SEPTIN9: variants seen among roughly 807,000 people sequenced by gnomAD.
The protein encoded by SEPTIN9 is septin-9.
Under a neutral mutation model 56.6 loss-of-function variants are expected in SEPTIN9, and 13 were observed. The observed-to-expected ratio is 0.23, with a 90% CI of 0.15 to 0.37. The LOEUF is 0.37. Among genes scored for constraint, SEPTIN9 ranks in the 10% least tolerant of loss-of-function variants. SEPTIN9 has a pLI of 1.00. For missense variants in SEPTIN9, 650 were observed against 823.1 expected, an observed-to-expected ratio of 0.79 and a Z score of 2.57; for synonymous variants, 332 against 334.1, an observed-to-expected ratio of 0.99 and a Z score of 0.07.
At chr17:77,365,040 T>C (rs1042982954) in intron 2 of SEPTIN9, among the ~76,000 whole-genome samples, 3 of 152,232 alleles carry the variant, frequency 2.0e-5, no homozygotes, top group Non-Finnish European at 4.4e-5. Context: ...GAAGAGACGA[T>C]GTCCCCAGCC....
chr17:77,393,084 A>G (rs1172209890), intron 2 of SEPTIN9, among the ~76,000 whole-genome samples: 2 of 152,122 alleles, frequency 1.3e-5, no homozygotes, highest in Non-Finnish European at 2.9e-5. Flanking sequence ...TCCCTCCAGA[A>G]GCAGGTCCTG....
chr17:77,339,632 C>G (rs1568001816), intron 2 of SEPTIN9, among the ~76,000 whole-genome samples: 1 of 151,866 alleles, frequency 6.6e-6, no homozygotes, highest in Non-Finnish European at 1.5e-5. Context: ...GCCTCAGCCT[C>G]CTGAGTAGTT....
At chr17:77,443,068 ACC>A (rs1236937600) in intron 3 of SEPTIN9, among the ~76,000 whole-genome samples, 6 of 152,028 alleles carry the variant, frequency 3.9e-5, no homozygotes, top group African/African-American at 1.2e-4. Flanking sequence ...GGGCCTGTAT[ACC>A]ATCTTAATAG....
At position 77,323,069 on chromosome 17, in the gene SEPTIN9, C is replaced by G. The variant is rs1317091048; in HGVS notation, c.76+15872C>G. 6.6e-6 allele frequency: 1 copy of G among 152,328 alleles called. No homozygotes were observed. Among genetic ancestry groups the G allele is most frequent in the African/African-American group, 2.4e-5 (1 of 41,460 alleles). The allele number at this position is 152,328 out of a possible 1,614,324, so 9.4% of individuals were successfully genotyped here. ...CCTACCCTGGTGAGTCCACGGTGGTCTGCCAGCCCCAGGGAAGGCTTAGGA... is the reference window on the plus strand; with the variant it reads ...CCTACCCTGGTGAGTCCACGGTGGTGTGCCAGCCCCAGGGAAGGCTTAGGA... On this transcript the variant is annotated intron_variant, in intron 2 of 11. Coordinates refer to ENST00000427177, the MANE Select transcript of SEPTIN9 (RefSeq NM_001113491.2). This position sits in a 1 kb window ranked among gnomAD's most constrained non-coding sequence, Gnocchi z 6.8.
intron 3 of SEPTIN9, chr17:77,444,615 G>T: frequency 6.2e-6 from 1 of 160,478 alleles, no homozygotes; most frequent in South Asian, 1.6e-4. Flanking sequence ...GACTAAGTCA[G>T]GGGGCGAGGG....
intron 1 of SEPTIN9, among the ~76,000 whole-genome samples, chr17:77,306,758 C>T (rs1338958907): frequency 3.3e-5 from 5 of 152,230 alleles, no homozygotes; most frequent in African/African-American, 9.6e-5. Context: ...AGCAGAGACA[C>T]GCTTGGGTGC....
intron 3 of SEPTIN9, among the ~76,000 whole-genome samples, chr17:77,460,226 T>C (rs2038405147): frequency 6.6e-6 from 1 of 152,254 alleles, no homozygotes; most frequent in South Asian, 2.1e-4. Context: ...CTGTTCCTTG[T>C]TGAGAGAGCG....
At chr17:77,292,093 C>A (rs897729188) in intron 1 of SEPTIN9, among the ~76,000 whole-genome samples, 1 of 152,200 alleles carries the variant, frequency 6.6e-6, no homozygotes, top group African/African-American at 2.4e-5. Flanking sequence ...CCATCTCTTC[C>A]TCGGCCCCTC....
chr17:77,414,795 C>T (rs1366925771), intron 3 of SEPTIN9, among the ~76,000 whole-genome samples: 1 of 152,100 alleles, frequency 6.6e-6, no homozygotes, highest in Non-Finnish European at 1.5e-5. Context: ...CCAGGCTGGT[C>T]TTGAACTCCT....
Position 77,421,943 on chromosome 17 carries a change from A to G in SEPTIN9, c.721+19240A>G, listed in dbSNP as rs78789071. On this transcript the variant is annotated intron_variant, in intron 3 of 11. Coordinates refer to ENST00000427177, the MANE Select transcript of SEPTIN9 (RefSeq NM_001113491.2). This position sits in a 1 kb window ranked among gnomAD's most constrained non-coding sequence, Gnocchi z 4.6. ...CCGCTCACTGTGATCTCGACCTCCTAGGCTCAGCAGTCCTCCCATCTCAGC... is the reference window on the plus strand; with the variant it reads ...CCGCTCACTGTGATCTCGACCTCCTGGGCTCAGCAGTCCTCCCATCTCAGC... Among the ~76,000 whole-genome samples, 447 of 152,190 alleles carry G rather than the reference A, an allele frequency of 2.9e-3. 1 individual carries two copies. The highest frequency in any genetic ancestry group is 9.9e-3 in the African/African-American group (412 of 41,526).
intron 3 of SEPTIN9, chr17:77,466,347 C>T (rs2038727531): frequency 1.0e-6 from 1 of 978,844 alleles, no homozygotes; most frequent in African/African-American, 1.8e-5. Flanking sequence ...CCCCTTCCCC[C>T]TCCCAGCCTT....
intron 3 of SEPTIN9, among the ~76,000 whole-genome samples, chr17:77,438,553 A>G (rs942559642): frequency 3.3e-5 from 5 of 152,170 alleles, no homozygotes; most frequent in Non-Finnish European, 1.5e-5. Flanking sequence ...AGAGTTTTTA[A>G]AAGCGCAATA....
rs2039829197 is a variant in SEPTIN9 at position 77,487,173 on chromosome 17, C to T, written c.914-251C>T. Among the ~76,000 whole-genome samples the T allele has an allele frequency of 6.6e-6, 1 of 152,248 alleles. No individual in the cohort carries two copies. The highest frequency in any genetic ancestry group is 2.4e-5 in the African/African-American group (1 of 41,466). ...CGACTCTCCCAGGCCCGGCTCACCT[C>T]TCAGGAGAGGACTGTGGCCTGGGTT... On this transcript the variant is annotated intron_variant, in intron 4 of 11. Transcript: ENST00000427177. The surrounding 1 kb of genome is among the most constrained non-coding windows in gnomAD (Gnocchi z 4.3).
chr17:77,310,570 G>A lies in SEPTIN9; in HGVS notation c.76+3373G>A, dbSNP rs1429821518. On this transcript the variant is annotated intron_variant, in intron 2 of 11. Transcript: ENST00000427177. This position sits in a 1 kb window ranked among gnomAD's most constrained non-coding sequence, Gnocchi z 4.7. Reference sequence around the variant, plus strand: ...GAAGGTCTTCTCTGTTACTAGTGCTGCCGGGAACGTGTGTTTCCCCAGGTG... The same window carrying A: ...GAAGGTCTTCTCTGTTACTAGTGCTACCGGGAACGTGTGTTTCCCCAGGTG... Among the ~76,000 whole-genome samples the A allele has an allele frequency of 7.3e-6, 1 of 137,290 alleles. No homozygotes were observed. The highest frequency in any genetic ancestry group is 1.5e-5 in the Non-Finnish European group (1 of 64,874). The allele number at this position is 137,290 out of a possible 152,430, so 90.1% of individuals were successfully genotyped here.
intron 3 of SEPTIN9, among the ~76,000 whole-genome samples, chr17:77,444,528 C>T (rs902361279): frequency 4.6e-5 from 7 of 151,834 alleles, no homozygotes; most frequent in African/African-American, 1.7e-4. Flanking sequence ...GACAGTGTTC[C>T]AAGGGGGAGA....
chr17:77,306,708 A>T (rs1313666565), intron 1 of SEPTIN9, among the ~76,000 whole-genome samples: 1 of 152,138 alleles, frequency 6.6e-6, no homozygotes, highest in Non-Finnish European at 1.5e-5. Flanking sequence ...ACCCTGATTC[A>T]TAAGACGGGT....
chr17:77,453,466 ATG>A lies in SEPTIN9; in HGVS notation c.722-28677_722-28676del, dbSNP rs541487194. On this transcript the variant is annotated intron_variant, in intron 3 of 11. Transcript: ENST00000427177. The surrounding 1 kb of genome is among the most constrained non-coding windows in gnomAD (Gnocchi z 4.4). Reference sequence around the variant, plus strand: ...ACTAAAAATACTGGCTAATCCGGGCATGGTGGCGCGTGCCTGTAATGGCAGCT... The same window carrying A: ...ACTAAAAATACTGGCTAATCCGGGCAGTGGCGCGTGCCTGTAATGGCAGCT... Among the ~76,000 whole-genome samples, 1,400 of 152,248 alleles carry A rather than the reference ATG, an allele frequency of 9.2e-3. 21 individuals carry two copies. Among genetic ancestry groups the A allele is most frequent in the African/African-American group, 0.032 (1,331 of 41,528 alleles).
chr17:77,480,906 G>A (rs1238432939), intron 3 of SEPTIN9, among the ~76,000 whole-genome samples: 2 of 152,174 alleles, frequency 1.3e-5, no homozygotes, highest in Non-Finnish European at 2.9e-5. Context: ...AACAGCAGCC[G>A]CCCAGCCTGC....
chr17:77,341,698 C>T (rs2033730942), intron 2 of SEPTIN9, among the ~76,000 whole-genome samples: 1 of 147,438 alleles, frequency 6.8e-6, no homozygotes, highest in South Asian at 2.2e-4. Context: ...TCGCTTGAAC[C>T]TGGGAGGTGG....
Sources: gnomAD v4.1 joint callset for allele counts (sites outside exome capture counted in the v4.1 genomes callset) on GRCh38, gnomAD v4.1.1 for gene constraint, Gnocchi (gnomAD v3.1) non-coding constraint, MANE v1.5 for transcripts, NCBI Gene and HGNC (gene_info 2026-07-23, HGNC 2026-07-21) for gene names.